ALCAM: variants seen among roughly 807,000 people sequenced by gnomAD.
ALCAM encodes CD166 antigen.
ALCAM carries 30 observed loss-of-function variants against 70.9 expected under a neutral mutation model. The observed-to-expected ratio is 0.42, with a 90% CI of 0.32 to 0.57. The LOEUF (loss-of-function observed/expected upper bound fraction) is 0.57, where lower values mean the gene tolerates loss of function less well. ALCAM is among the 20% of genes least tolerant of loss of function. ALCAM has a pLI of 0.11. For missense variants in ALCAM, 591 were observed against 695.1 expected (o/e 0.85, Z 1.68); for synonymous variants, 249 against 242.5 (o/e 1.03, Z -0.25).
intron 1 of ALCAM, among the ~76,000 whole-genome samples, chr3:105,500,983 C>T (rs775657827): frequency 5.3e-5 from 8 of 152,176 alleles, no homozygotes; most frequent in Non-Finnish European, 5.9e-5. Flanking sequence ...CACAAGGAAA[C>T]TCCTTGGGCC....
chr3:105,486,825 G>A (rs1488662170), intron 1 of ALCAM, among the ~76,000 whole-genome samples: 1 of 152,010 alleles, frequency 6.6e-6, no homozygotes, highest in Non-Finnish European at 1.5e-5. Context: ...TTCAACAGTA[G>A]TTTTCAAATT....
chr3:105,445,287 C>A (rs78399810), intron 1 of ALCAM, among the ~76,000 whole-genome samples: 15,543 of 151,858 alleles, frequency 0.1, 1,123 homozygotes, highest in East Asian at 0.25. Context: ...ACTGAGAGAT[C>A]AATACACTAA....
chr3:105,519,092 C>T (rs1266202223), intron 1 of ALCAM, among the ~76,000 whole-genome samples: 3 of 151,932 alleles, frequency 2.0e-5, no homozygotes, highest in East Asian at 1.9e-4. Context: ...ACTCTATACC[C>T]GATTATGATA....
intron 1 of ALCAM, among the ~76,000 whole-genome samples, chr3:105,386,286 T>C (rs1935652671): frequency 6.6e-6 from 1 of 151,622 alleles, no homozygotes; most frequent in Non-Finnish European, 1.5e-5. Context: ...ATCAGTAAAA[T>C]GTCTTTTGTT....
chr3:105,439,164 A>G lies in ALCAM; in HGVS notation c.73+71683A>G, dbSNP rs548243613. Among the ~76,000 whole-genome samples, 102 of 152,308 alleles carry G rather than the reference A, an allele frequency of 6.7e-4. 1 individual carries two copies. The highest frequency in any genetic ancestry group is 4.5e-3 in the Admixed American group (69 of 15,298). ...GTTAGAGAGTTAGGATTAATGATAC[A>G]GGATTTGTATTTCTCACTAGTCAGG... On this transcript the variant is annotated intron_variant, in intron 1 of 15. Transcript: ENST00000306107.
intron 1 of ALCAM, among the ~76,000 whole-genome samples, chr3:105,381,874 C>T (rs1378279104): frequency 6.7e-6 from 1 of 149,746 alleles, no homozygotes; most frequent in African/African-American, 2.4e-5. Context: ...GATGTAAGAT[C>T]TGAATCAACT....
chr3:105,511,092 T>C (rs1442600458), intron 1 of ALCAM, among the ~76,000 whole-genome samples: 6 of 152,062 alleles, frequency 3.9e-5, no homozygotes, highest in Non-Finnish European at 1.5e-5. Context: ...CCTCCCACTC[T>C]TCAATTAAGA....
chr3:105,550,106 CCT>C lies in ALCAM; in HGVS notation c.1375-20_1375-19del, dbSNP rs1940355730. 1 of 1,568,894 alleles carries C rather than the reference CCT, an allele frequency of 6.4e-7. No individual in the cohort carries two copies. The highest frequency in any genetic ancestry group is 8.7e-7 in the Non-Finnish European group (1 of 1,147,660). On this transcript the variant is annotated intron_variant, in intron 11 of 15. Transcript: ENST00000306107. ...TAATCCATTTTGATTTCTAAACCCA[CCT>C]TTTTTCTTCTTTTTCCAGACAGAGG... is the stretch of plus-strand genomic sequence containing the variant.
At position 105,575,537 on chromosome 3, in the gene ALCAM, T is replaced by G. The variant is rs145523426; in HGVS notation, c.*1086T>G. 1 of 152,602 alleles carries G rather than the reference T, an allele frequency of 6.6e-6. No individual in the cohort carries two copies. Among genetic ancestry groups the G allele is most frequent in the Non-Finnish European group, 1.5e-5 (1 of 68,032 alleles). The allele number at this position is 152,602 out of a possible 1,614,324, so 9.5% of individuals were successfully genotyped here. A position where few individuals can be genotyped will look rare whatever the true frequency, so the allele number is the denominator to read the frequency against. ...CTTGAGATAATTTAGTGTTTTTAAC[T>G]GATACATAATTTATCAAGCAGTACA... On this transcript the variant is annotated 3_prime_UTR_variant, in exon 16 of 16. Transcript: ENST00000306107.
chr3:105,496,111 C>T (rs1010237032), intron 1 of ALCAM, among the ~76,000 whole-genome samples: 1 of 152,146 alleles, frequency 6.6e-6, no homozygotes, highest in Non-Finnish European at 1.5e-5. Context: ...AGGCCTTTTT[C>T]ATATGTGAAA....
intron 1 of ALCAM, among the ~76,000 whole-genome samples, chr3:105,401,886 A>G (rs2107372877): frequency 6.6e-6 from 1 of 152,314 alleles, no homozygotes; most frequent in East Asian, 1.9e-4. Context: ...ACCACAGACA[A>G]TGAAATAAGA....
chr3:105,432,573 G>A (rs886890008), intron 1 of ALCAM, among the ~76,000 whole-genome samples: 5 of 151,702 alleles, frequency 3.3e-5, no homozygotes, highest in Admixed American at 6.6e-5. Context: ...TCTGATCCTC[G>A]GTTTCCTCAT....
intron 1 of ALCAM, among the ~76,000 whole-genome samples, chr3:105,439,714 C>T (rs1398614732): frequency 1.3e-5 from 2 of 152,144 alleles, no homozygotes; most frequent in Admixed American, 6.6e-5. Flanking sequence ...TCAGGATACA[C>T]GTATTCAGAG....
chr3:105,406,395 G>C (rs981953996), intron 1 of ALCAM, among the ~76,000 whole-genome samples: 5 of 152,130 alleles, frequency 3.3e-5, no homozygotes, highest in Non-Finnish European at 5.9e-5. Flanking sequence ...CAAAACTCCT[G>C]ATGGGCTTTT....
intron 1 of ALCAM, among the ~76,000 whole-genome samples, chr3:105,497,899 C>T (rs1440453623): frequency 1.3e-5 from 2 of 151,900 alleles, no homozygotes; most frequent in Non-Finnish European, 2.9e-5. Flanking sequence ...GGCGTGGTGG[C>T]AGGCACCTGT....
At chr3:105,499,535 T>C (rs1485030676) in intron 1 of ALCAM, among the ~76,000 whole-genome samples, 1 of 152,228 alleles carries the variant, frequency 6.6e-6, no homozygotes, top group Non-Finnish European at 1.5e-5. Flanking sequence ...TTTAATCTTA[T>C]CTTGCTAAAG....
At chr3:105,406,099 A>T (rs1305562014) in intron 1 of ALCAM, among the ~76,000 whole-genome samples, 1 of 152,200 alleles carries the variant, frequency 6.6e-6, no homozygotes, top group African/African-American at 2.4e-5. Context: ...CACAGTGATC[A>T]ACTTCTTTTA....
chr3:105,383,536 A>G (rs1006871597), intron 1 of ALCAM, among the ~76,000 whole-genome samples: 6 of 151,790 alleles, frequency 4.0e-5, no homozygotes, highest in Non-Finnish European at 7.4e-5. Flanking sequence ...AAATATCTAC[A>G]TTGAGAAAAT....
At chr3:105,541,895 G>C (rs1168030584) in intron 8 of ALCAM, 130 bp downstream of exon 8, 13 of 1,145,564 alleles carry the variant, frequency 1.1e-5, no homozygotes, top group Non-Finnish European at 1.6e-5. Flanking sequence ...GCAGTAGAGA[G>C]AGAAAGCATC....
Sources: allele counts gnomAD v4.1 joint callset (sites outside exome capture counted in the v4.1 genomes callset), GRCh38; gene constraint gnomAD v4.1.1; transcripts MANE v1.5; gene names NCBI Gene and HGNC (gene_info 2026-07-23, HGNC 2026-07-21).